The following RAB13 variants were observed in gnomAD, a reference collection of about 807,000 sequenced individuals.
RAB13 encodes ras-related protein Rab-13.
A neutral mutation model predicts 29.3 loss-of-function variants in RAB13; 15 were observed. The observed-to-expected ratio is 0.51, with a 90% CI of 0.34 to 0.79. The LOEUF (loss-of-function observed/expected upper bound fraction) is 0.79. Ranked by LOEUF, RAB13 falls within the 30% of genes least tolerant of loss-of-function variation. The probability of loss-of-function intolerance (pLI) is 0.01; values close to 1 mark genes in which losing one functional copy is unlikely to be tolerated. For synonymous variants in RAB13, 82 were observed against 93.8 expected (o/e 0.87, Z 0.73); for missense variants, 186 against 255.5 (o/e 0.73, Z 1.85).
chr1:153,985,984 A>G, intron 1 of RAB13, 129 bp downstream of exon 1: 1 of 1,468,206 alleles, frequency 6.8e-7, no homozygotes, highest in Non-Finnish European at 9.1e-7. Flanking sequence ...GGTCAGAGCC[A>G]GGGGTTGAGG....
At chr1:153,984,606 T>TAGAAGTGCTAGAAGG in intron 2 of RAB13, 115 bp downstream of exon 2, 1 of 901,440 alleles carries the variant, frequency 1.1e-6, no homozygotes, top group Non-Finnish European at 1.7e-6. Flanking sequence ...GTGCTCCTTC[T>TAGAAGTGCTAGAAGG]AGCACTTCTA....
At chr1:153,986,394 C>T (rs558877025), upstream of RAB13, 3 of 636,422 alleles carry the variant, frequency 4.7e-6, no homozygotes, top group East Asian at 5.6e-5. Context: ...CGGCACCCCT[C>T]CGGGCTCCAC....
intron 2 of RAB13, 145 bp from the exon 3 acceptor site, chr1:153,983,726 C>A: frequency 1.4e-6 from 1 of 693,044 alleles, no homozygotes; most frequent in Non-Finnish European, 2.5e-6. Context: ...GGATTAAAGA[C>A]AGTTGAGCTG....
chr1:153,989,692 A>G (rs954302218), upstream of RAB13, among the ~76,000 whole-genome samples: 1 of 151,844 alleles, frequency 6.6e-6, no homozygotes, highest in African/African-American at 2.4e-5. Context: ...CGGGAGTTCA[A>G]TACCAGCTTG....
chr1:153,986,320 A>C lies in RAB13; in HGVS notation c.-84T>G. On this transcript the variant is annotated 5_prime_UTR_variant, in exon 1 of 8. Coordinates refer to ENST00000368575, the MANE Select transcript of RAB13 (RefSeq NM_002870.5). ...CTGGACGGTTGGCAAACAGAGCGGC[A>C]CGGAGCCCAGGCCAGGAAGAAGTTT... is the stretch of plus-strand genomic sequence containing the variant. The C allele has an allele frequency of 8.5e-7, 1 of 1,174,988 alleles. No homozygotes were observed. Among genetic ancestry groups the C allele is most frequent in the Admixed American group, 2.0e-5 (1 of 48,804 alleles). The allele number at this position is 1,174,988 out of a possible 1,614,324, so 72.8% of individuals were successfully genotyped here. A position where few individuals can be genotyped will look rare whatever the true frequency, so the allele number is the denominator to read the frequency against.
rs1410751488 is a variant in RAB13 at position 153,986,317 on chromosome 1, G to A, written c.-81C>T. ...GGACTGGACGGTTGGCAAACAGAGCGGCACGGAGCCCAGGCCAGGAAGAAG... is the reference window on the plus strand; with the variant it reads ...GGACTGGACGGTTGGCAAACAGAGCAGCACGGAGCCCAGGCCAGGAAGAAG... On this transcript the variant is annotated 5_prime_UTR_variant, in exon 1 of 8. Transcript: ENST00000368575. 5 of 1,196,756 alleles carry A rather than the reference G, an allele frequency of 4.2e-6. No individual in the cohort carries two copies. The African/African-American group carries it at 4.5e-5, about 11-fold the overall frequency. 74.1% of individuals were successfully genotyped at this position (1,196,756 alleles called of 1,614,324 possible).
rs1283713881 is a variant in RAB13 at position 153,982,729 on chromosome 1, T to A, written c.404A>T (p.Gln135Leu). Residue 135 changes from glutamine (Q) to leucine (L), a missense_variant, in exon 5 of 8, where the codon CAG (glutamine) becomes CTG (leucine). Physicochemically the swap from Gln to Leu is moderately radical, Grantham distance 113. Coordinates refer to ENST00000368575, the MANE Select transcript of RAB13 (RefSeq NM_002870.5). ...MEAKRKVQKEQADKLAREHGI... is the reference protein window; with the variant it reads ...MEAKRKVQKELADKLAREHGI... Reference sequence around the variant, plus strand: ...CAGCCTGGCCCTCACCTTATCGGCCTGCTCCTTCTGCACCTTCCTCTTGGC... The same window carrying A: ...CAGCCTGGCCCTCACCTTATCGGCCAGCTCCTTCTGCACCTTCCTCTTGGC... 1.2e-6 allele frequency: 2 copies of A among 1,614,184 alleles called. No homozygotes were observed. Among genetic ancestry groups the A allele is most frequent in the South Asian group, 2.2e-5 (2 of 91,084 alleles).
intron 2 of RAB13, 129 bp downstream of exon 2, chr1:153,984,592 A>C: frequency 1.3e-6 from 1 of 775,690 alleles, no homozygotes. Context: ...GAGAAATGCC[A>C]GAAGTGCTCC....
At chr1:153,990,122 C>T (rs1414166094), upstream of RAB13, among the ~76,000 whole-genome samples, 1 of 152,110 alleles carries the variant, frequency 6.6e-6, no homozygotes, top group Non-Finnish European at 1.5e-5. Flanking sequence ...GTCACCCAGG[C>T]TGGAGTGGAT....
intron 2 of RAB13, among the ~76,000 whole-genome samples, chr1:153,984,479 A>G (rs113701373): frequency 2.6e-5 from 4 of 152,282 alleles, no homozygotes; most frequent in African/African-American, 7.2e-5. Flanking sequence ...TTTGTTGTCA[A>G]ATTAAGAGGA....
At chr1:153,982,331 AC>A (rs1649007246) in intron 7 of RAB13, 59 bp downstream of exon 7, 6 of 1,507,354 alleles carry the variant, frequency 4.0e-6, no homozygotes, top group African/African-American at 1.6e-5. Context: ...ACACACACAC[AC>A]ACATACATAC....
chr1:153,989,724 C>T (rs189136383), upstream of RAB13, among the ~76,000 whole-genome samples: 1 of 151,784 alleles, frequency 6.6e-6, no homozygotes, highest in East Asian at 2.0e-4. Context: ...GAAACCCCGT[C>T]TCTACTAAAA....
chr1:153,983,821 T>C (rs1649072004), intron 2 of RAB13, among the ~76,000 whole-genome samples: 1 of 152,196 alleles, frequency 6.6e-6, no homozygotes, highest in Non-Finnish European at 1.5e-5. Context: ...ACTGTGTATG[T>C]ATCATTTTAT....
chr1:153,983,950 G>A (rs1340433281), intron 2 of RAB13, among the ~76,000 whole-genome samples: 1 of 152,130 alleles, frequency 6.6e-6, no homozygotes, highest in Non-Finnish European at 1.5e-5. Flanking sequence ...GCTGAGGCGG[G>A]TGGATCACCT....
At chr1:153,989,929 C>T (rs915546605), upstream of RAB13, among the ~76,000 whole-genome samples, 1 of 151,972 alleles carries the variant, frequency 6.6e-6, no homozygotes, top group African/African-American at 2.4e-5. Context: ...AAAAAGAAGG[C>T]ATCTTTCACT....
At chr1:153,989,342 C>T (rs1433200212), upstream of RAB13, among the ~76,000 whole-genome samples, 3 of 149,214 alleles carry the variant, frequency 2.0e-5, no homozygotes, top group African/African-American at 7.4e-5. Flanking sequence ...CTCCGCCTCC[C>T]GGGTTCACGC....
chr1:153,984,693 G>A, intron 2 of RAB13, 28 bp downstream of exon 2: 5 of 1,593,164 alleles, frequency 3.1e-6, no homozygotes, highest in Non-Finnish European at 4.3e-6. Context: ...GGGGAAGTCT[G>A]GCGAGGCATC....
upstream of RAB13, among the ~76,000 whole-genome samples, chr1:153,987,528 A>AAAAGAAAG (rs1553215351): frequency 1.8e-3 from 235 of 127,502 alleles, no homozygotes; most frequent in East Asian, 8.0e-3. Context: ...AAAAAAAAAA[A>AAAAGAAAG]AAAGAAAGAA....
intron 1 of RAB13, 101 bp downstream of exon 1, chr1:153,986,012 C>T (rs910010086): frequency 2.3e-4 from 347 of 1,541,390 alleles, no homozygotes; most frequent in Non-Finnish European, 2.9e-4. Flanking sequence ...ATTTAGGAGC[C>T]TTACTCTAAG....
Sources: gnomAD v4.1 joint callset for allele counts (sites outside exome capture counted in the v4.1 genomes callset) on GRCh38, gnomAD v4.1.1 for gene constraint, MANE v1.5 for transcripts, NCBI Gene and HGNC (gene_info 2026-07-23, HGNC 2026-07-21) for gene names.